Variants in HYDIN observed in about 807,000 individuals in gnomAD.
The protein encoded by HYDIN is axonemal central pair apparatus protein HYDIN.
Under a neutral mutation model 403.9 loss-of-function variants are expected in HYDIN, and 132 were observed. The ratio of observed to expected loss-of-function variants is 0.33; its 90% CI spans 0.28 to 0.38. The LOEUF is 0.38. Among genes scored for constraint, HYDIN ranks in the 10% least tolerant of loss-of-function variants. The pLI is 1.00. For synonymous variants in HYDIN, 1,202 were observed against 1,891.7 expected, an observed-to-expected ratio of 0.64 and a Z score of 9.46; for missense variants, 2,827 against 5,009.5, an observed-to-expected ratio of 0.56 and a Z score of 13.15.
At chr16:70,954,452 CA>C (rs56235375) in intron 40 of HYDIN, among the ~76,000 whole-genome samples, 282 of 65,864 alleles carry the variant, frequency 4.3e-3, no homozygotes, top group East Asian at 0.033. Context: ...TACCTTGTCT[CA>C]AAAAAAAAAA....
In HYDIN at chr16:71,114,188, T is replaced by C. The variant is rs6499466; in HGVS notation, c.1327+1508A>G. 2.8e-3 allele frequency among the ~76,000 whole-genome samples: 424 copies of C among 151,280 alleles called. 1 individual carries two copies. Among genetic ancestry groups the C allele is most frequent in the African/African-American group, 9.8e-3 (399 of 40,542 alleles). On this transcript the variant is annotated intron_variant, in intron 10 of 85. Coordinates refer to ENST00000393567, the MANE Select transcript of HYDIN (RefSeq NM_001270974.2). ...AAAGATGTTTTGAGACTATTCCATG[T>C]CCTACTTTCACCCATTTTCTTAAGA...
intron 53 of HYDIN, among the ~76,000 whole-genome samples, chr16:70,898,720 C>T (rs1456814569): frequency 3.3e-5 from 5 of 151,948 alleles, no homozygotes; most frequent in Admixed American, 2.6e-4. Flanking sequence ...GGGATGATCC[C>T]GTGAATGTCA....
intron 1 of HYDIN, among the ~76,000 whole-genome samples, chr16:71,202,516 C>T (rs929288590): frequency 3.3e-5 from 5 of 152,040 alleles, no homozygotes; most frequent in Admixed American, 6.6e-5. Flanking sequence ...TGCAGTCTAC[C>T]ATTTCTTAGT....
chr16:71,064,525 A>C (rs2082190460), intron 16 of HYDIN, among the ~76,000 whole-genome samples, 180 bp downstream of exon 16: 1 of 152,132 alleles, frequency 6.6e-6, no homozygotes, highest in Non-Finnish European at 1.5e-5. Flanking sequence ...CTGCTCAGGC[A>C]TGCAGCTAGC....
chr16:70,858,985 G>A (rs1459849520), intron 71 of HYDIN, among the ~76,000 whole-genome samples: 1 of 151,892 alleles, frequency 6.6e-6, no homozygotes, highest in African/African-American at 2.4e-5. Context: ...CTACCAGCAT[G>A]TAAAATAGGG....
chr16:71,073,199 T>C (rs1189941982), intron 13 of HYDIN, among the ~76,000 whole-genome samples: 2 of 152,186 alleles, frequency 1.3e-5, no homozygotes, highest in African/African-American at 4.8e-5. Flanking sequence ...ATGCCTGACG[T>C]TACTGATTCT....
chr16:70,888,308 T>C (rs1010516194), intron 58 of HYDIN, among the ~76,000 whole-genome samples: 16 of 152,252 alleles, frequency 1.1e-4, no homozygotes, highest in African/African-American at 3.6e-4. Context: ...TGTTATGCTA[T>C]GAGACTTGGG....
chr16:71,072,708 T>C (rs2082505027), intron 13 of HYDIN, among the ~76,000 whole-genome samples: 1 of 152,146 alleles, frequency 6.6e-6, no homozygotes, highest in Non-Finnish European at 1.5e-5. Flanking sequence ...ACTATTCACT[T>C]TATGAAATAA....
intron 83 of HYDIN, among the ~76,000 whole-genome samples, chr16:70,822,771 A>T (rs1819679): frequency 6.6e-6 from 1 of 152,238 alleles, no homozygotes; most frequent in Admixed American, 6.5e-5. Flanking sequence ...ATTATGACTC[A>T]CTGAAGGCTC....
intron 43 of HYDIN, chr16:70,941,433 G>T: frequency 2.5e-6 from 1 of 393,776 alleles, no homozygotes; most frequent in Non-Finnish European, 4.5e-6. Context: ...GGGGTACAGT[G>T]TGATGGGAGG....
At chr16:71,111,491 T>C (rs529293812) in intron 10 of HYDIN, among the ~76,000 whole-genome samples, 18 of 152,172 alleles carry the variant, frequency 1.2e-4, no homozygotes, top group Non-Finnish European at 2.4e-4. Flanking sequence ...GGGAAACAAT[T>C]TGAGTCAGAG....
At chr16:70,955,136 T>C (rs1415936596) in intron 40 of HYDIN, among the ~76,000 whole-genome samples, 5 of 152,170 alleles carry the variant, frequency 3.3e-5, no homozygotes, top group Non-Finnish European at 7.3e-5. Flanking sequence ...GTGGGCTGTG[T>C]CTTATTCATT....
chr16:71,224,286 T>A (rs138291802), intron 1 of HYDIN, among the ~76,000 whole-genome samples: 2 of 152,210 alleles, frequency 1.3e-5, no homozygotes, highest in African/African-American at 4.8e-5. Context: ...GGGAACTCAT[T>A]TGGGGAAGTC....
intron 10 of HYDIN, among the ~76,000 whole-genome samples, chr16:71,107,921 A>G (rs1364132050): frequency 1.3e-5 from 2 of 152,206 alleles, no homozygotes. Flanking sequence ...TCAACTTAAA[A>G]GCCCATCAAT....
rs2079155230 is a variant in HYDIN at position 70,985,237 on chromosome 16, T to C, written c.4280A>G (p.Gln1427Arg). The part of the protein sequence containing the change: ...GFEFKVLTDH[Q>R]SSPDNLLPGV... ...AGGGAGAAGGTTGTCTGGAGAAGAC[T>C]GGTGGTCAGTCAGAACCTTGAACTC... The change falls in exon 28 of 86, where the codon CAG (glutamine) becomes CGG (arginine). Residue 1427 changes from glutamine to arginine, a missense_variant. Physicochemically the swap from Gln to Arg is conservative, Grantham distance 43. Coordinates refer to ENST00000393567, the MANE Select transcript of HYDIN (RefSeq NM_001270974.2). 23 of 1,584,880 alleles carry C rather than the reference T, an allele frequency of 1.5e-5. No individual in the cohort carries two copies. Among genetic ancestry groups the C allele is most frequent in the Non-Finnish European group, 1.9e-5 (22 of 1,156,530 alleles).
Position 71,195,254 on chromosome 16 carries a change from TA to T in HYDIN, c.-23-8337del, listed in dbSNP as rs1243299947. On this transcript the variant is annotated intron_variant, in intron 1 of 85. Coordinates refer to ENST00000393567, the MANE Select transcript of HYDIN (RefSeq NM_001270974.2). ...GTTATTGTTAGCAGAAAGTTTGGTT[TA>T]AAAAAAAAAAAAAGAAAAGAAAAAA... 5.3e-3 allele frequency among the ~76,000 whole-genome samples: 739 copies of T among 139,858 alleles called. 1 individual carries two copies. The highest frequency in any genetic ancestry group is 6.3e-3 in the African/African-American group (240 of 38,140). The allele number at this position is 139,858 out of a possible 152,430, so 91.8% of individuals were successfully genotyped here.
At chr16:71,178,794 G>C in intron 4 of HYDIN, 134 bp downstream of exon 4, 1 of 760,608 alleles carries the variant, frequency 1.3e-6, no homozygotes, top group Non-Finnish European at 2.1e-6. Context: ...TACAATCAAA[G>C]AAGATGTTTT....
chr16:71,152,976 G>T (rs2085601048), intron 6 of HYDIN, 193 bp from the exon 7 acceptor site: 2 of 506,818 alleles, frequency 3.9e-6, no homozygotes, highest in Non-Finnish European at 7.2e-6. Flanking sequence ...GACAGCATTA[G>T]ATTAGCAAGC....
intron 27 of HYDIN, among the ~76,000 whole-genome samples, chr16:70,986,790 T>C (rs1219765778): frequency 8.3e-6 from 1 of 120,510 alleles, no homozygotes; most frequent in Non-Finnish European, 1.7e-5. Flanking sequence ...CTGGGTCTTA[T>C]AGGATGTAAA....
Sources: allele counts gnomAD v4.1 joint callset (sites outside exome capture counted in the v4.1 genomes callset), GRCh38; gene constraint gnomAD v4.1.1; transcripts MANE v1.5; gene names NCBI Gene and HGNC (gene_info 2026-07-23, HGNC 2026-07-21).